DNTTIP2: variants seen among roughly 807,000 people sequenced by gnomAD.
DNTTIP2 encodes deoxynucleotidyltransferase terminal-interacting protein 2.
In DNTTIP2, 47 loss-of-function variants were observed where a neutral mutation model predicts 62.4. The observed-to-expected ratio is 0.75, with a 90% confidence interval of 0.60 to 0.96. The LOEUF is 0.96. Among genes scored for constraint, DNTTIP2 ranks in the 40% least tolerant of loss-of-function variants. DNTTIP2 has a pLI of 0.00. For missense variants in DNTTIP2, 870 were observed against 849.1 expected (o/e 1.02, Z -0.31); for synonymous variants, 322 against 300.9 (o/e 1.07, Z -0.73).
intron 3 of DNTTIP2, among the ~76,000 whole-genome samples, chr1:93,875,041 T>C (rs1399212272): frequency 1.3e-5 from 2 of 152,116 alleles, no homozygotes. Flanking sequence ...AAGAAGAGGA[T>C]TCCTGGTTCA....
chr1:93,872,886 ATT>A (rs1015599676), intron 4 of DNTTIP2, among the ~76,000 whole-genome samples: 12 of 151,172 alleles, frequency 7.9e-5, no homozygotes, highest in Admixed American at 1.3e-4. Flanking sequence ...ATATATATAT[ATT>A]TTTTTAAAAA....
chr1:93,873,490 T>C, intron 3 of DNTTIP2: 1 of 273,342 alleles, frequency 3.7e-6, no homozygotes, highest in East Asian at 1.1e-4. Context: ...TAGTCCCAGC[T>C]ACTCAGGACG....
At chr1:93,873,866 A>C (rs1255947501) in intron 3 of DNTTIP2, among the ~76,000 whole-genome samples, 3 of 152,228 alleles carry the variant, frequency 2.0e-5, no homozygotes, top group Non-Finnish European at 4.4e-5. Flanking sequence ...TATTCTCCTA[A>C]AACTCTGTGT....
intron 5 of DNTTIP2, 141 bp downstream of exon 5, chr1:93,871,931 A>G: frequency 1.1e-6 from 1 of 880,644 alleles, no homozygotes; most frequent in Non-Finnish European, 1.7e-6. Flanking sequence ...CCATTCTTAT[A>G]TGGCCTATGC....
At chr1:93,870,332 A>G (rs1655826468) in intron 6 of DNTTIP2, among the ~76,000 whole-genome samples, 1 of 152,160 alleles carries the variant, frequency 6.6e-6, no homozygotes, top group African/African-American at 2.4e-5. Context: ...TGGTTTTCAA[A>G]GTGTGGTCTG....
rs774095973 is a variant in DNTTIP2, at chr1:93,879,138, G to A, written c.11C>T (p.Thr4Ile). The change falls in exon 1 of 7, where the codon ACC becomes ATC. Residue 4 changes from threonine to isoleucine, a missense_variant. By Grantham distance (89) the Thr-to-Ile change is moderately conservative. Coordinates refer to ENST00000436063, the MANE Select transcript of DNTTIP2 (RefSeq NM_014597.5). MVV[T>I]RSARAKASIQ... The stretch of plus-strand genomic sequence containing the variant: ...GCTGGCCTTAGCCCGTGCAGATCTG[G>A]TAACCACCATCTTTCCGGCTCCCTC... 3 of 1,613,186 alleles carry A rather than the reference G, an allele frequency of 1.9e-6. No homozygotes were observed. The highest frequency in any genetic ancestry group is 2.2e-5 in the East Asian group (1 of 44,834).
chr1:93,872,887 T>TA (rs780110874), intron 4 of DNTTIP2, among the ~76,000 whole-genome samples: 12,482 of 150,926 alleles, frequency 0.083, 1,325 homozygotes, highest in African/African-American at 0.24. Context: ...TATATATATA[T>TA]TTTTTTAAAA....
Position 93,869,730 on chromosome 1 carries a change from T to C in DNTTIP2, c.*121A>G. On this transcript the variant is annotated 3_prime_UTR_variant, in exon 7 of 7. Transcript: ENST00000436063. The stretch of plus-strand genomic sequence containing the variant: ...CAAATCAACTTTTTCCAAATACAAA[T>C]TCCTGTATGAACAGGGCCAGTCTAT... 1.6e-6 allele frequency: 1 copy of C among 607,546 alleles called. No individual in the cohort carries two copies. Among genetic ancestry groups the C allele is most frequent in the South Asian group, 2.2e-5 (1 of 45,924 alleles). 37.6% of individuals were successfully genotyped at this position (607,546 alleles called of 1,614,324 possible).
In DNTTIP2 at chr1:93,875,703, T is replaced by C; in HGVS notation, c.1748A>G (p.Asp583Gly). 6.2e-7 allele frequency: 1 copy of C among 1,613,586 alleles called. No individual in the cohort carries two copies. The highest frequency in any genetic ancestry group is 8.5e-7 in the Non-Finnish European group (1 of 1,179,778). ...GGTTCTCTTGTTAGACTGTAGTTTA[T>C]CTGCATTAAAATTAATATACAAACC... ...LGGLYINFNA[D>G]KLQSNKRTLT... Residue 583 changes from aspartate to glycine, a missense_variant, in exon 3 of 7, where the codon GAT (aspartate) becomes GGT (glycine). Asp to Gly is a moderately conservative substitution (Grantham distance 94). Coordinates refer to ENST00000436063, the MANE Select transcript of DNTTIP2 (RefSeq NM_014597.5).
In DNTTIP2 at chr1:93,869,793, C is replaced by T. The variant is rs939966337; in HGVS notation, c.*58G>A. 34 of 746,818 alleles carry T rather than the reference C, an allele frequency of 4.6e-5. No homozygotes were observed. Among genetic ancestry groups the T allele is most frequent in the Middle Eastern group, 2.3e-4 (1 of 4,342 alleles). 46.3% of individuals were successfully genotyped at this position (746,818 alleles called of 1,614,324 possible). ...TAGATGATGGTGTTAGTTTTCCAAA[C>T]GTCTTTAATAAGTAAATAAAGGAGC... On this transcript the variant is annotated 3_prime_UTR_variant, in exon 7 of 7. Transcript: ENST00000436063.
intron 5 of DNTTIP2, chr1:93,871,011 T>C (rs1557717282): frequency 3.1e-6 from 1 of 321,568 alleles, no homozygotes; most frequent in East Asian, 5.0e-5. Flanking sequence ...CCAAAATTTC[T>C]TTGCTAAACA....
chr1:93,872,220 G>GT lies in DNTTIP2; in HGVS notation c.1918dup (p.Thr640AsnfsTer17). ...CATACCAAACCAGCCATCCCCTGCT[G>GT]TTTTTTGTCGTTCTTTCTGAAATTA... On this transcript the variant is annotated frameshift_variant, in exon 5 of 7. Coordinates refer to ENST00000436063, the MANE Select transcript of DNTTIP2 (RefSeq NM_014597.5). LOFTEE classifies it high-confidence loss of function. 2.5e-6 allele frequency: 4 copies of GT among 1,613,044 alleles called. No homozygotes were observed. Among genetic ancestry groups the GT allele is most frequent in the African/African-American group, 1.3e-5 (1 of 74,970 alleles).
At chr1:93,871,506 G>C (rs1365117587) in intron 5 of DNTTIP2, among the ~76,000 whole-genome samples, 1 of 152,198 alleles carries the variant, frequency 6.6e-6, no homozygotes, top group Non-Finnish European at 1.5e-5. Context: ...GATATGCAAA[G>C]TCAAATTATG....
chr1:93,870,811 A>G lies in DNTTIP2; in HGVS notation c.2068-19T>C. ...TTCCAATCTGTGAACAATTGATTGA[A>G]ATAAGTCATGCATTGAGTGCCAAGA... On this transcript the variant is annotated intron_variant, in intron 5 of 6. Transcript: ENST00000436063. 1 of 1,418,546 alleles carries G rather than the reference A, an allele frequency of 7.0e-7. No homozygotes were observed. Among genetic ancestry groups the G allele is most frequent in the Non-Finnish European group, 9.6e-7 (1 of 1,041,500 alleles). 87.9% of individuals were successfully genotyped at this position (1,418,546 alleles called of 1,614,324 possible).
At chr1:93,875,962 C>T (rs543335593) in intron 2 of DNTTIP2, among the ~76,000 whole-genome samples, 179 bp from the exon 3 acceptor site, 1 of 150,794 alleles carries the variant, frequency 6.6e-6, no homozygotes, top group South Asian at 2.1e-4. Context: ...ATATATTTTT[C>T]ATCATTTTAT....
chr1:93,875,629 A>G lies in DNTTIP2; in HGVS notation c.1806+16T>C, dbSNP rs763625772. ...TTGGTTAGTTCTGTGAAAACCTAACAGCACAATTAACTTACCTCATTTTTC... is the reference window on the plus strand; with the variant it reads ...TTGGTTAGTTCTGTGAAAACCTAACGGCACAATTAACTTACCTCATTTTTC... On this transcript the variant is annotated intron_variant, in intron 3 of 6. Coordinates refer to ENST00000436063, the MANE Select transcript of DNTTIP2 (RefSeq NM_014597.5). The G allele has an allele frequency of 1.9e-6, 3 of 1,602,978 alleles. No individual in the cohort carries two copies. Among genetic ancestry groups the G allele is most frequent in the South Asian group, 2.3e-5 (2 of 87,384 alleles).
At chr1:93,870,294 G>T (rs202152753) in intron 6 of DNTTIP2, among the ~76,000 whole-genome samples, 3 of 152,246 alleles carry the variant, frequency 2.0e-5, no homozygotes, top group South Asian at 2.1e-4. Context: ...TGCACAGTAT[G>T]ATATATATAT....
In DNTTIP2 at chr1:93,870,749, C is replaced by A; in HGVS notation, c.2111G>T (p.Arg704Leu). The change falls in exon 6 of 7, where the codon CGA (arginine) becomes CTA (leucine). Residue 704 changes from arginine to leucine, a missense_variant. Transcript: ENST00000436063. ...TCTTTTCCTTTGCTTCTTGGGAATT[C>A]GTGAATGGTAGAAATCAGCTGGATT... ...VDNPADFYHS[R>L]IPKKQRKRTI... The A allele has an allele frequency of 6.4e-7, 1 of 1,571,222 alleles. No individual in the cohort carries two copies. The highest frequency in any genetic ancestry group is 8.7e-7 in the Non-Finnish European group (1 of 1,155,310).
intron 1 of DNTTIP2, 127 bp downstream of exon 1, chr1:93,878,950 A>AGCGC: frequency 1.6e-6 from 2 of 1,274,900 alleles, no homozygotes; most frequent in Non-Finnish European, 2.1e-6. Context: ...GGGAGACCCA[A>AGCGC]GCGCGCGGCA....
Sources: allele counts gnomAD v4.1 joint callset (sites outside exome capture counted in the v4.1 genomes callset), GRCh38; gene constraint gnomAD v4.1.1; transcripts MANE v1.5; gene names NCBI Gene and HGNC (gene_info 2026-07-23, HGNC 2026-07-21).